ADAMTS17: variants seen among roughly 807,000 people sequenced by gnomAD.
The protein encoded by ADAMTS17 is A disintegrin and metalloproteinase with thrombospondin motifs 17.
In ADAMTS17, 113 loss-of-function variants were observed where a neutral mutation model predicts 141.5. The ratio of observed to expected loss-of-function variants is 0.80; its 90% CI spans 0.69 to 0.93. ADAMTS17 has a LOEUF of 0.93. Among genes scored for constraint, ADAMTS17 ranks in the 40% least tolerant of loss-of-function variants. The pLI, the probability that ADAMTS17 is intolerant of heterozygous loss-of-function variation, is 0.00. For synonymous variants in ADAMTS17, 768 were observed against 630.6 expected (o/e 1.22, Z -3.27); for missense variants, 1,659 against 1,517.9 (o/e 1.09, Z -1.54).
At chr15:100,244,003 T>A (rs1169671930) in intron 7 of ADAMTS17, among the ~76,000 whole-genome samples, 1 of 151,572 alleles carries the variant, frequency 6.6e-6, no homozygotes, top group Non-Finnish European at 1.5e-5. Context: ...CATACCAGAG[T>A]CTGGGTATAA....
chr15:100,140,756 G>C (rs1596540008), intron 10 of ADAMTS17, among the ~76,000 whole-genome samples: 1 of 151,700 alleles, frequency 6.6e-6, no homozygotes, highest in South Asian at 2.1e-4. Context: ...CTCTCCATCA[G>C]TCCCCAATTT....
intron 15 of ADAMTS17, among the ~76,000 whole-genome samples, chr15:100,067,143 A>C (rs1596335036): frequency 6.6e-6 from 1 of 151,970 alleles, no homozygotes. Flanking sequence ...GTTCCTTTCT[A>C]AGTGGCCCAT....
At chr15:100,133,517 T>A (rs529285965) in intron 10 of ADAMTS17, among the ~76,000 whole-genome samples, 2 of 152,270 alleles carry the variant, frequency 1.3e-5, no homozygotes, top group East Asian at 3.9e-4. Context: ...ATTCTGTGCA[T>A]CTACTCCTAG....
intron 13 of ADAMTS17, among the ~76,000 whole-genome samples, chr15:100,115,359 T>G (rs1043841405): frequency 2.0e-4 from 30 of 152,132 alleles, no homozygotes; most frequent in African/African-American, 6.8e-4. Context: ...GCAGGGAAAA[T>G]TCAGGGTGCA....
At position 99,997,616 on chromosome 15, in the gene ADAMTS17, G is replaced by T. The variant is rs754802167; in HGVS notation, c.2592-27C>A. The T allele has an allele frequency of 6.3e-7, 1 of 1,594,702 alleles. No individual in the cohort carries two copies. Among genetic ancestry groups the T allele is most frequent in the Non-Finnish European group, 8.6e-7 (1 of 1,169,250 alleles). On this transcript the variant is annotated intron_variant, in intron 18 of 21. Transcript: ENST00000268070. This position sits in a 1 kb window ranked among gnomAD's most constrained non-coding sequence, Gnocchi z 4.7. Reference sequence around the variant, plus strand: ...TGCCAGACGGGAGGAAAGAGAGAGAGAACGACTGGGTGAGAGGCCAGCCTC... The same window carrying T: ...TGCCAGACGGGAGGAAAGAGAGAGATAACGACTGGGTGAGAGGCCAGCCTC...
intron 18 of ADAMTS17, among the ~76,000 whole-genome samples, chr15:100,043,777 C>A (rs1219606346): frequency 1.3e-5 from 2 of 152,270 alleles, no homozygotes; most frequent in African/African-American, 4.8e-5. Flanking sequence ...TACGGAGATA[C>A]TAAGAACTTG....
At chr15:100,105,908 C>G (rs2141075612) in intron 14 of ADAMTS17, among the ~76,000 whole-genome samples, 1 of 152,242 alleles carries the variant, frequency 6.6e-6, no homozygotes, top group Admixed American at 6.5e-5. Context: ...TGGGCTGGTC[C>G]TGGAACTCCT....
At chr15:100,230,035 C>T (rs1039520557) in intron 7 of ADAMTS17, among the ~76,000 whole-genome samples, 1 of 152,226 alleles carries the variant, frequency 6.6e-6, no homozygotes, top group African/African-American at 2.4e-5. Context: ...CTGCCAACCA[C>T]CCATCCCATG....
rs138738752 is a variant in ADAMTS17 at position 100,208,745 on chromosome 15, C to T, written c.1076-9322G>A. 1.2e-3 allele frequency among the ~76,000 whole-genome samples: 139 copies of T among 112,512 alleles called. 2 individuals carry two copies. The East Asian group carries it at 0.027, about 22-fold the overall frequency. 73.8% of individuals were successfully genotyped at this position (112,512 alleles called of 152,430 possible). A position where few individuals can be genotyped will look rare whatever the true frequency, so the allele number is the denominator to read the frequency against. ...AAGATAACAAAGGGATACACACATG[C>T]ATGTGAAATAGAAGGAGAAGAGGCC... On this transcript the variant is annotated intron_variant, in intron 7 of 21. Transcript: ENST00000268070.
At chr15:100,159,047 G>GA (rs1394814804) in intron 8 of ADAMTS17, among the ~76,000 whole-genome samples, 1 of 151,898 alleles carries the variant, frequency 6.6e-6, no homozygotes, top group South Asian at 2.1e-4. Flanking sequence ...TAGATGCTAT[G>GA]AAAAAAACAG....
rs1356553558 is a variant in ADAMTS17, at chr15:99,971,652, A to AAAAAGGACAATCG, written c.*2737_*2749dup. ...ATAGATACATTTGACTCTGAAACGA[A>AAAAAGGACAATCG]AAAAGGACAATCGTATTGCCATAGA... On this transcript the variant is annotated 3_prime_UTR_variant, in exon 22 of 22. Transcript: ENST00000268070. 11 of 152,316 alleles carry AAAAAGGACAATCG rather than the reference A, an allele frequency of 7.2e-5. No individual in the cohort carries two copies. The highest frequency in any genetic ancestry group is 6.5e-4 in the Admixed American group (10 of 15,304). 9.4% of individuals were successfully genotyped at this position (152,316 alleles called of 1,614,324 possible).
rs951785369 is a variant in ADAMTS17 at position 100,217,579 on chromosome 15, G to A, written c.1076-18156C>T. Among the ~76,000 whole-genome samples the A allele has an allele frequency of 4.6e-5, 7 of 152,154 alleles. No homozygotes were observed. The East Asian group carries it at 1.2e-3, about 25-fold the overall frequency. On this transcript the variant is annotated intron_variant, in intron 7 of 21. Transcript: ENST00000268070. ...ATGCCATTGCACTCCAGCCTGGGGCGTCAGAGCAAGACTCTTCTCAAAAAC... is the reference window on the plus strand; with the variant it reads ...ATGCCATTGCACTCCAGCCTGGGGCATCAGAGCAAGACTCTTCTCAAAAAC...
chr15:100,109,132 T>C lies in ADAMTS17; in HGVS notation c.1889-16A>G. 1 of 1,598,784 alleles carries C rather than the reference T, an allele frequency of 6.3e-7. No homozygotes were observed. The highest frequency in any genetic ancestry group is 1.1e-5 in the South Asian group (1 of 89,494). On this transcript the variant is annotated splice_polypyrimidine_tract_variant and intron_variant, in intron 13 of 21. Transcript: ENST00000268070. ...CATGGCTTATCTGAGGAGGGAAAGG[T>C]TGGAGGACGTTGACACGGGAAGGTG... is the stretch of plus-strand genomic sequence containing the variant.
intron 13 of ADAMTS17, among the ~76,000 whole-genome samples, chr15:100,114,324 G>C (rs8035059): frequency 0.025 from 3,796 of 152,190 alleles, 181 homozygotes; most frequent in African/African-American, 0.085. Context: ...CCAACCACAG[G>C]AAACGTTCCT....
chr15:99,984,522 C>A (rs959442889), intron 20 of ADAMTS17, among the ~76,000 whole-genome samples: 7 of 152,184 alleles, frequency 4.6e-5, no homozygotes, highest in African/African-American at 1.7e-4. Flanking sequence ...CTGATGACTG[C>A]CCCAGATGGT....
intron 10 of ADAMTS17, among the ~76,000 whole-genome samples, chr15:100,151,453 G>C (rs1567261969): frequency 6.6e-6 from 1 of 152,154 alleles, no homozygotes; most frequent in Non-Finnish European, 1.5e-5. Context: ...ATGGGCATTG[G>C]GACCGCATTC....
chr15:100,105,594 T>C (rs1291953681), intron 14 of ADAMTS17, among the ~76,000 whole-genome samples: 1 of 152,110 alleles, frequency 6.6e-6, no homozygotes, highest in Non-Finnish European at 1.5e-5. Flanking sequence ...TATTTGGGAG[T>C]GAAGCCTCTG....
At chr15:100,126,237 C>G (rs956167814) in intron 12 of ADAMTS17, 12 of 152,246 alleles carry the variant, frequency 7.9e-5, no homozygotes, top group African/African-American at 2.9e-4. Context: ...CCACCCAAGG[C>G]CTGTCCCGCC....
In ADAMTS17 at chr15:100,152,752, T is replaced by C. The variant is rs754517282; in HGVS notation, c.1333A>G (p.Ser445Gly). The C allele has an allele frequency of 6.2e-7, 1 of 1,614,166 alleles. No individual in the cohort carries two copies. The highest frequency in any genetic ancestry group is 1.1e-5 in the South Asian group (1 of 91,088). ...GGGTCCGTGACTAGCAAGCAGGTGC[T>C]GACTTTTGACCTGAAACAGCCGAGA... ...DLENFLKSKV[S>G]TCLLVTDPRS... The change falls in exon 10 of 22, where the codon AGC (serine) becomes GGC (glycine). Residue 445 changes from serine (S) to glycine (G), a missense_variant. Ser to Gly is a moderately conservative substitution (Grantham distance 56). Coordinates refer to ENST00000268070, the MANE Select transcript of ADAMTS17 (RefSeq NM_139057.4).
Sources: gnomAD v4.1 joint callset for allele counts (sites outside exome capture counted in the v4.1 genomes callset) on GRCh38, gnomAD v4.1.1 for gene constraint, Gnocchi (gnomAD v3.1) non-coding constraint, MANE v1.5 for transcripts, NCBI Gene and HGNC (gene_info 2026-07-23, HGNC 2026-07-21) for gene names.